The following AHI1 variants were observed in gnomAD, a reference collection of about 807,000 sequenced individuals.
AHI1 encodes jouberin.
In AHI1, 123 loss-of-function variants were observed where a neutral mutation model predicts 149.3. That is an observed-to-expected ratio of 0.82 (90% CI 0.71 to 0.96). AHI1 has a LOEUF of 0.96. Ranked by LOEUF, AHI1 falls within the 40% of genes least tolerant of loss-of-function variation. The pLI is 0.00. For synonymous variants in AHI1, 475 were observed against 459.8 expected, an observed-to-expected ratio of 1.03 and a Z score of -0.42; for missense variants, 1,439 against 1,422.7, an observed-to-expected ratio of 1.01 and a Z score of -0.18.
chr6:135,332,630 G>T (rs1159449651), intron 24 of AHI1, among the ~76,000 whole-genome samples: 1 of 152,146 alleles, frequency 6.6e-6, no homozygotes, highest in African/African-American at 2.4e-5. Flanking sequence ...CAAGAAATTG[G>T]GAGAGAAAGA....
At chr6:135,292,627 A>C (rs1583529421) in intron 27 of AHI1, among the ~76,000 whole-genome samples, 1 of 152,332 alleles carries the variant, frequency 6.6e-6, no homozygotes, top group Non-Finnish European at 1.5e-5. Flanking sequence ...TGAGGCCCGG[A>C]ACAGTGTTTA....
In AHI1 at chr6:135,411,350, T is replaced by C; in HGVS notation, c.2959A>G (p.Thr987Ala). Residue 987 changes from threonine (T) to alanine (A), a missense_variant and splice_region_variant, in exon 21 of 29, where the codon ACA becomes GCA. Coordinates refer to ENST00000265602, the MANE Select transcript of AHI1 (RefSeq NM_001134831.2). ...TCAACTGCATAAAATAAACTTACTG[T>C]GACAGTTTCAAGCCTCTGTTTTACT... ...QLVKQRLETV[T>A]EVIRSCAAKV... 6.2e-7 allele frequency: 1 copy of C among 1,613,066 alleles called. No homozygotes were observed. The highest frequency in any genetic ancestry group is 1.3e-5 in the African/African-American group (1 of 75,042).
At position 135,335,877 on chromosome 6, in the gene AHI1, C is replaced by T. The variant is rs1789292269; in HGVS notation, c.3166-12553G>A. 2.6e-5 allele frequency among the ~76,000 whole-genome samples: 4 copies of T among 152,052 alleles called. No individual in the cohort carries two copies. In the South Asian group the frequency reaches 8.3e-4, roughly 32 times the overall value. ...TGGTGGCTCACGCCTGTAATCCCAA[C>T]CTAGGTGGGTGGATCACCTGAGGTC... On this transcript the variant is annotated intron_variant, in intron 24 of 28. Coordinates refer to ENST00000265602, the MANE Select transcript of AHI1 (RefSeq NM_001134831.2).
In AHI1 at chr6:135,283,818, G is replaced by A. The variant is rs1781464708; in HGVS notation, c.*1827C>T. 6.6e-6 allele frequency: 1 copy of A among 152,098 alleles called. No homozygotes were observed. The highest frequency in any genetic ancestry group is 2.1e-4 in the South Asian group (1 of 4,822). 9.4% of individuals were successfully genotyped at this position (152,098 alleles called of 1,614,324 possible). ...ACTGCTATTTTTCTCTTTAGTAGTT[G>A]CAATATAAAAACAACCCTTTATTTT... On this transcript the variant is annotated 3_prime_UTR_variant, in exon 29 of 29. Coordinates refer to ENST00000265602, the MANE Select transcript of AHI1 (RefSeq NM_001134831.2).
At chr6:135,310,142 T>C (rs925908414) in intron 26 of AHI1, among the ~76,000 whole-genome samples, 1 of 152,212 alleles carries the variant, frequency 6.6e-6, no homozygotes, top group African/African-American at 2.4e-5. Flanking sequence ...GCACTGTCTA[T>C]TATAAATTTG....
intron 13 of AHI1, 100 bp downstream of exon 13, chr6:135,446,908 C>A: frequency 8.0e-7 from 1 of 1,256,818 alleles, no homozygotes; most frequent in Non-Finnish European, 1.1e-6. Context: ...GGATAAATAG[C>A]AAGCATTTTA....
intron 21 of AHI1, 144 bp from the exon 22 acceptor site, chr6:135,405,121 G>A (rs921404484): frequency 1.7e-5 from 11 of 660,496 alleles, no homozygotes; most frequent in Middle Eastern, 8.6e-4. Flanking sequence ...TTGTCACTCT[G>A]CATTGTTTCC....
intron 23 of AHI1, among the ~76,000 whole-genome samples, chr6:135,375,826 A>T (rs1775829842): frequency 1.3e-5 from 2 of 152,346 alleles, no homozygotes; most frequent in Non-Finnish European, 1.5e-5. Context: ...AAATTGCATT[A>T]CCTACTAATA....
At chr6:135,398,743 C>G (rs913066720) in intron 22 of AHI1, among the ~76,000 whole-genome samples, 2 of 152,088 alleles carry the variant, frequency 1.3e-5, no homozygotes, top group African/African-American at 4.8e-5. Context: ...GGTCTTGAAC[C>G]CCTGAACTTC....
chr6:135,376,477 G>A (rs1582903535), intron 23 of AHI1, among the ~76,000 whole-genome samples: 2 of 152,266 alleles, frequency 1.3e-5, no homozygotes, highest in East Asian at 1.9e-4. Context: ...CCGATATGAT[G>A]CAAACCATTT....
In AHI1 at chr6:135,463,242, C is replaced by T. The variant is rs1360264225; in HGVS notation, c.814G>A (p.Val272Ile). The T allele has an allele frequency of 6.2e-7, 1 of 1,610,630 alleles. No individual in the cohort carries two copies. Among genetic ancestry groups the T allele is most frequent in the South Asian group, 1.1e-5 (1 of 90,858 alleles). ...EQKKESSVRS[V>I]SSDSHQDDEI... ...TCATCTTGATGAGAATCTGAAGAAA[C>T]TGATCTAACTGAAGATTCTTTCTTT... The change falls in exon 8 of 29, where the codon GTT (valine) becomes ATT (isoleucine). Residue 272 changes from valine to isoleucine, a missense_variant. Val to Ile is a conservative substitution (Grantham distance 29). Transcript: ENST00000265602.
intron 26 of AHI1, among the ~76,000 whole-genome samples, chr6:135,302,973 T>C (rs1466310662): frequency 6.6e-6 from 1 of 152,124 alleles, no homozygotes; most frequent in Non-Finnish European, 1.5e-5. Context: ...TATCATTGAT[T>C]TAGAGAGGAG....
chr6:135,479,408 G>A (rs1793239178), intron 5 of AHI1, among the ~76,000 whole-genome samples: 1 of 152,190 alleles, frequency 6.6e-6, no homozygotes, highest in African/African-American at 2.4e-5. Context: ...TCGTCTAGAT[G>A]TGAGACATGG....
At chr6:135,484,062 A>G (rs555947327) in intron 5 of AHI1, among the ~76,000 whole-genome samples, 1 of 151,752 alleles carries the variant, frequency 6.6e-6, no homozygotes, top group African/African-American at 2.4e-5. Flanking sequence ...GGCAAGGTGG[A>G]GCAAGTCACA....
At chr6:135,363,688 C>A (rs1794314499) in intron 23 of AHI1, among the ~76,000 whole-genome samples, 2 of 148,362 alleles carry the variant, frequency 1.3e-5, no homozygotes, top group African/African-American at 5.0e-5. Context: ...CTGACCCCCC[C>A]ACCTCCCTCC....
At chr6:135,290,223 T>C (rs1782167480) in intron 28 of AHI1, among the ~76,000 whole-genome samples, 200 bp downstream of exon 28, 1 of 152,156 alleles carries the variant, frequency 6.6e-6, no homozygotes, top group South Asian at 2.1e-4. Context: ...CTGGAGACAA[T>C]CTGATTTATG....
At chr6:135,374,430 G>A (rs1389846096) in intron 23 of AHI1, among the ~76,000 whole-genome samples, 1 of 151,972 alleles carries the variant, frequency 6.6e-6, no homozygotes, top group African/African-American at 2.4e-5. Flanking sequence ...CTAGTTTAAT[G>A]TGAAGAAGTT....
At position 135,457,605 on chromosome 6, in the gene AHI1, A is replaced by ACT; in HGVS notation, c.1038_1039dup (p.Val347GlufsTer15). 1 of 1,613,934 alleles carries ACT rather than the reference A, an allele frequency of 6.2e-7. No individual in the cohort carries two copies. Among genetic ancestry groups the ACT allele is most frequent in the Non-Finnish European group, 8.5e-7 (1 of 1,179,872 alleles). ...AAGTCTATCAGTTCGGTGAATGTAA[A>ACT]CTCCCAAGACAAGGTCATCATCAAG... On this transcript the variant is annotated frameshift_variant, in exon 9 of 29. Coordinates refer to ENST00000265602, the MANE Select transcript of AHI1 (RefSeq NM_001134831.2). LOFTEE classifies it high-confidence loss of function.
intron 10 of AHI1, 101 bp downstream of exon 10, chr6:135,455,633 C>CTTT: frequency 1.2e-6 from 1 of 805,524 alleles, no homozygotes; most frequent in East Asian, 3.7e-5. Flanking sequence ...TCTCACACAA[C>CTTT]TTTTTTTTTT....
Sources: allele counts gnomAD v4.1 joint callset (sites outside exome capture counted in the v4.1 genomes callset), GRCh38; gene constraint gnomAD v4.1.1; transcripts MANE v1.5; gene names NCBI Gene and HGNC (gene_info 2026-07-23, HGNC 2026-07-21).